SS18L2: variants seen among roughly 807,000 people sequenced by gnomAD.
The protein encoded by SS18L2 is SS18 like 2, also known as SS18-like protein 2.
SS18L2 carries 8 observed loss-of-function variants against 10.3 expected under a neutral mutation model. The ratio of observed to expected loss-of-function variants is 0.78; its 90% CI spans 0.46 to 1.41. SS18L2 has a LOEUF of 1.41. SS18L2 is among the 40% of genes most tolerant of loss of function. The probability of loss-of-function intolerance (pLI) is 0.00; values close to 1 mark genes in which losing one functional copy is unlikely to be tolerated. For missense variants in SS18L2, 100 were observed against 96.2 expected, an observed-to-expected ratio of 1.04 and a Z score of -0.17; for synonymous variants, 41 against 34.6, an observed-to-expected ratio of 1.19 and a Z score of -0.65.
intron 2 of SS18L2, among the ~76,000 whole-genome samples, chr3:42,592,420 A>C (rs1323250554): frequency 6.6e-6 from 1 of 152,166 alleles, no homozygotes; most frequent in Non-Finnish European, 1.5e-5. Context: ...GACTGGTCTC[A>C]AACTCCTGAC....
intron 1 of SS18L2, among the ~76,000 whole-genome samples, chr3:42,585,210 G>A (rs1488540276): frequency 6.6e-6 from 1 of 152,206 alleles, no homozygotes; most frequent in East Asian, 1.9e-4. Flanking sequence ...GAGTGCTTTA[G>A]AACAGGACCT....
Position 42,590,926 on chromosome 3 carries a change from T to C in SS18L2, c.29T>C (p.Leu10Pro). The change falls in exon 1 of 3, where the codon CTG (leucine) becomes CCG (proline). Residue 10 changes from leucine to proline, a missense_variant. Transcript: ENST00000011691. MSVAFVPDW[L>P]RGKAEVNQET... Reference sequence around the variant, plus strand: ...TCGGTGGCCTTCGTACCGGACTGGCTGAGGGGCAAGGCGGAAGTCAATCAA... The same window carrying C: ...TCGGTGGCCTTCGTACCGGACTGGCCGAGGGGCAAGGCGGAAGTCAATCAA... 1 of 1,359,460 alleles carries C rather than the reference T, an allele frequency of 7.4e-7. No individual in the cohort carries two copies. Among genetic ancestry groups the C allele is most frequent in the South Asian group, 1.1e-5 (1 of 87,634 alleles). The allele number at this position is 1,359,460 out of a possible 1,614,324, so 84.2% of individuals were successfully genotyped here.
chr3:42,582,332 A>G (rs1260332159), intron 1 of SS18L2: 2 of 152,248 alleles, frequency 1.3e-5, no homozygotes, highest in African/African-American at 4.8e-5. Context: ...CAGAGTGATA[A>G]CGCCCGGGGC....
At chr3:42,582,144 T>C (rs1321826415) in intron 1 of SS18L2, 2 of 152,136 alleles carry the variant, frequency 1.3e-5, no homozygotes, top group Non-Finnish European at 2.9e-5. Flanking sequence ...AGAGGGAGTG[T>C]GACGGGGGCG....
At position 42,590,890 on chromosome 3, in the gene SS18L2, T is replaced by C. The variant is rs775606273; in HGVS notation, c.-8T>C. ...GCTTGGCGGTCGTGGTTCCGGAGGT[T>C]CCTCGGGATGTCGGTGGCCTTCGTA... is the stretch of plus-strand genomic sequence containing the variant. On this transcript the variant is annotated 5_prime_UTR_variant, in exon 1 of 3. Transcript: ENST00000011691. 59 of 1,596,680 alleles carry C rather than the reference T, an allele frequency of 3.7e-5. No homozygotes were observed. The highest frequency in any genetic ancestry group is 5.0e-5 in the Non-Finnish European group (59 of 1,169,810).
intron 1 of SS18L2, among the ~76,000 whole-genome samples, chr3:42,585,221 T>TAGA (rs1371200662): frequency 6.6e-6 from 1 of 152,200 alleles, no homozygotes; most frequent in African/African-American, 2.4e-5. Flanking sequence ...AACAGGACCT[T>TAGA]ACACTCTCTG....
rs1432799793 is a variant in SS18L2, at chr3:42,595,170, T to G, written c.*661T>G. 2 of 152,232 alleles carry G rather than the reference T, an allele frequency of 1.3e-5. No individual in the cohort carries two copies. Among genetic ancestry groups the G allele is most frequent in the Non-Finnish European group, 2.9e-5 (2 of 68,032 alleles). The allele number at this position is 152,232 out of a possible 1,614,324, so 9.4% of individuals were successfully genotyped here. On this transcript the variant is annotated 3_prime_UTR_variant, in exon 3 of 3. Transcript: ENST00000011691. The stretch of plus-strand genomic sequence containing the variant: ...TCATCTGATAATAGATGATGTTTAA[T>G]TTTCTTCAGTTATCAGATAGTCTTT...
intron 2 of SS18L2, 76 bp from the exon 3 acceptor site, chr3:42,594,346 G>A: frequency 8.8e-7 from 1 of 1,141,288 alleles, no homozygotes; most frequent in Non-Finnish European, 1.3e-6. Flanking sequence ...ACTAGAGTGG[G>A]TAAATTATTT....
chr3:42,596,388 G>T lies in SS18L2; in HGVS notation c.*1879G>T, dbSNP rs963189609. Among the ~76,000 whole-genome samples the T allele has an allele frequency of 6.6e-6, 1 of 152,202 alleles. No homozygotes were observed. The highest frequency in any genetic ancestry group is 1.5e-5 in the Non-Finnish European group (1 of 68,032). On this transcript the variant is annotated 3_prime_UTR_variant, in exon 3 of 3. Transcript: ENST00000011691. ...CACTAGCATTCCTGATGGTTTTCCA[G>T]AGTCCTATCCCCTGAAGTTCTAATT...
upstream of SS18L2, chr3:42,590,764 C>A: frequency 4.4e-6 from 4 of 917,360 alleles, no homozygotes; most frequent in Non-Finnish European, 7.2e-6. Flanking sequence ...ATAGCTCTTG[C>A]GCGTCCAGTC....
chr3:42,592,491 C>T (rs976822362), intron 2 of SS18L2, among the ~76,000 whole-genome samples: 10 of 152,330 alleles, frequency 6.6e-5, no homozygotes, highest in African/African-American at 2.4e-4. Flanking sequence ...TGAGCCACCA[C>T]GGCCGACCTT....
At chr3:42,589,049 G>A (rs1190936755), upstream of SS18L2, among the ~76,000 whole-genome samples, 1 of 151,972 alleles carries the variant, frequency 6.6e-6, no homozygotes, top group Non-Finnish European at 1.5e-5. Context: ...CGGATCACGA[G>A]GTCAGGAGTT....
At chr3:42,591,733 G>T (rs1050534032) in intron 2 of SS18L2, 132 bp downstream of exon 2, 22 of 698,606 alleles carry the variant, frequency 3.1e-5, no homozygotes, top group Non-Finnish European at 5.3e-5. Flanking sequence ...GGAAAGAGAG[G>T]CTCAAAGAGT....
At chr3:42,587,512 A>G (rs1324692016), upstream of SS18L2, 2 of 151,720 alleles carry the variant, frequency 1.3e-5, no homozygotes, top group Admixed American at 6.6e-5. Flanking sequence ...GCGGATCACG[A>G]GGTCAGGAAA....
In SS18L2 at chr3:42,590,940, G is replaced by A; in HGVS notation, c.43G>A (p.Glu15Lys). The A allele has an allele frequency of 7.4e-7, 1 of 1,359,312 alleles. No individual in the cohort carries two copies. Among genetic ancestry groups the A allele is most frequent in the East Asian group, 4.6e-5 (1 of 21,858 alleles). The allele number at this position is 1,359,312 out of a possible 1,614,324, so 84.2% of individuals were successfully genotyped here. ...FVPDWLRGKAEVNQETIQRLL... is the reference protein window; with the variant it reads ...FVPDWLRGKAKVNQETIQRLL... Reference sequence around the variant, plus strand: ...ACCGGACTGGCTGAGGGGCAAGGCGGAAGTCAATCAAGAGACTATCCAGCG... The same window carrying A: ...ACCGGACTGGCTGAGGGGCAAGGCGAAAGTCAATCAAGAGACTATCCAGCG... Residue 15 changes from glutamate to lysine, a missense_variant, in exon 1 of 3, where the codon GAA becomes AAA. Physicochemically the swap from Glu to Lys is moderately conservative, Grantham distance 56. Transcript: ENST00000011691.
rs745484109 is a variant in SS18L2, at chr3:42,590,958, A to G, written c.61A>G (p.Ile21Val). Residue 21 changes from isoleucine to valine, a missense_variant, in exon 1 of 3, where the codon ATC becomes GTC. Coordinates refer to ENST00000011691, the MANE Select transcript of SS18L2 (RefSeq NM_001370300.1). Reference sequence around the variant, plus strand: ...CAAGGCGGAAGTCAATCAAGAGACTATCCAGCGGGTGAGCATCCACGCGGG... The same window carrying G: ...CAAGGCGGAAGTCAATCAAGAGACTGTCCAGCGGGTGAGCATCCACGCGGG... ...RGKAEVNQET[I>V]QRLLEENDQL... The G allele has an allele frequency of 3.6e-6, 3 of 835,654 alleles. No homozygotes were observed. The highest frequency in any genetic ancestry group is 5.4e-6 in the Non-Finnish European group (3 of 555,580). 51.8% of individuals were successfully genotyped at this position (835,654 alleles called of 1,614,324 possible).
At chr3:42,584,555 C>T (rs986815689) in intron 1 of SS18L2, among the ~76,000 whole-genome samples, 2 of 152,292 alleles carry the variant, frequency 1.3e-5, no homozygotes, top group South Asian at 2.1e-4. Context: ...CACGCCTAGC[C>T]GGGACATAGA....
At position 42,596,237 on chromosome 3, in the gene SS18L2, G is replaced by A. The variant is rs1705025795; in HGVS notation, c.*1728G>A. Among the ~76,000 whole-genome samples, 1 of 152,062 alleles carries A rather than the reference G, an allele frequency of 6.6e-6. No individual in the cohort carries two copies. Among genetic ancestry groups the A allele is most frequent in the Non-Finnish European group, 1.5e-5 (1 of 68,008 alleles). On this transcript the variant is annotated 3_prime_UTR_variant, in exon 3 of 3. Coordinates refer to ENST00000011691, the MANE Select transcript of SS18L2 (RefSeq NM_001370300.1). ...GGGTTTCTCCATGTTGGTCAGGCTG[G>A]TCTCGTACTCACGACCTCAGGTGAT...
At chr3:42,588,048 G>A (rs1439405984), upstream of SS18L2, among the ~76,000 whole-genome samples, 1 of 151,720 alleles carries the variant, frequency 6.6e-6, no homozygotes, top group African/African-American at 2.4e-5. Context: ...ACTCCAGCCT[G>A]GGCAACAAGA....
Sources: allele counts gnomAD v4.1 joint callset (sites outside exome capture counted in the v4.1 genomes callset), GRCh38; gene constraint gnomAD v4.1.1; transcripts MANE v1.5; gene names NCBI Gene and HGNC (gene_info 2026-07-23, HGNC 2026-07-21).